SLC17A9: variants seen among roughly 807,000 people sequenced by gnomAD.
The protein encoded by SLC17A9 is solute carrier family 17 member 9.
Under a neutral mutation model 55.0 loss-of-function variants are expected in SLC17A9, and 49 were observed. That is an observed-to-expected ratio of 0.89 (90% CI 0.71 to 1.13). The LOEUF (loss-of-function observed/expected upper bound fraction) is 1.13. Ranked by LOEUF, SLC17A9 falls within the 50% of genes most tolerant of loss-of-function variation. The probability of loss-of-function intolerance (pLI) is 0.00; values close to 1 mark genes in which losing one functional copy is unlikely to be tolerated. For synonymous variants in SLC17A9, 256 were observed against 247.4 expected (o/e 1.03, Z -0.32); for missense variants, 526 against 569.3 (o/e 0.92, Z 0.77).
rs1357633851 is a variant in SLC17A9, at chr20:62,952,712, C to G, written c.-119C>G. 6.3e-6 allele frequency: 7 copies of G among 1,114,114 alleles called. No homozygotes were observed. The highest frequency in any genetic ancestry group is 4.8e-5 in the African/African-American group (3 of 62,384). The allele number at this position is 1,114,114 out of a possible 1,614,324, so 69.0% of individuals were successfully genotyped here. A position where few individuals can be genotyped will look rare whatever the true frequency, so the allele number is the denominator to read the frequency against. The stretch of plus-strand genomic sequence containing the variant: ...GGCGACAAGTCCTGAGAGAACCAGA[C>G]GGAAGCGCGCTGGGACTGACACGTG... On this transcript the variant is annotated 5_prime_UTR_variant, in exon 1 of 13. Coordinates refer to ENST00000370351, the MANE Select transcript of SLC17A9 (RefSeq NM_022082.4).
At chr20:62,955,460 A>C (rs765912505) in intron 1 of SLC17A9, among the ~76,000 whole-genome samples, 8 of 151,762 alleles carry the variant, frequency 5.3e-5, no homozygotes, top group Non-Finnish European at 1.2e-4. Context: ...CTAATTTTTA[A>C]AGTTTTTTTT....
At chr20:62,963,848 T>C in intron 7 of SLC17A9, 168 bp downstream of exon 7, 1 of 652,752 alleles carries the variant, frequency 1.5e-6, no homozygotes, top group Non-Finnish European at 2.6e-6. Context: ...ACCCCGTCCA[T>C]GCTCGGGGCA....
chr20:62,957,010 TG>T, intron 2 of SLC17A9, 48 bp downstream of exon 2: 1 of 1,610,016 alleles, frequency 6.2e-7, no homozygotes, highest in Non-Finnish European at 8.5e-7. Context: ...GCCGCCCCAC[TG>T]GGGCCTCCAG....
chr20:62,953,238 C>G, intron 1 of SLC17A9: 1 of 1,550,408 alleles, frequency 6.4e-7, no homozygotes, highest in Non-Finnish European at 8.7e-7. Flanking sequence ...ATGCATGACC[C>G]TGACAAGCAG....
chr20:62,966,808 G>T (rs765781576), intron 12 of SLC17A9, 76 bp downstream of exon 12: 3 of 1,555,816 alleles, frequency 1.9e-6, no homozygotes, highest in African/African-American at 2.8e-5. Flanking sequence ...GCAGGGTGGG[G>T]TTGTGCCTCC....
Position 62,958,154 on chromosome 20 carries a change from C to T in SLC17A9, c.397+574C>T, listed in dbSNP as rs2065558891. On this transcript the variant is annotated intron_variant, in intron 3 of 12. Coordinates refer to ENST00000370351, the MANE Select transcript of SLC17A9 (RefSeq NM_022082.4). This position sits in a 1 kb window ranked among gnomAD's most constrained non-coding sequence, Gnocchi z 4.1. ...GCGTGTGTACGTGCGTGAGTGTGCCCGTATGAGGGTGTACGTGTGGCCATG... is the reference window on the plus strand; with the variant it reads ...GCGTGTGTACGTGCGTGAGTGTGCCTGTATGAGGGTGTACGTGTGGCCATG... 6.6e-6 allele frequency among the ~76,000 whole-genome samples: 1 copy of T among 152,062 alleles called. No homozygotes were observed. Among genetic ancestry groups the T allele is most frequent in the African/African-American group, 2.4e-5 (1 of 41,388 alleles).
intron 3 of SLC17A9, among the ~76,000 whole-genome samples, chr20:62,960,164 C>CAT (rs1450197733): frequency 1.3e-5 from 2 of 152,192 alleles, no homozygotes; most frequent in Non-Finnish European, 2.9e-5. Flanking sequence ...TGTGCAGGCG[C>CAT]ATGTGTGTGT....
chr20:62,957,662 G>C (rs2065549259), intron 3 of SLC17A9, 82 bp downstream of exon 3: 1 of 1,243,754 alleles, frequency 8.0e-7, no homozygotes, highest in Admixed American at 2.9e-5. Flanking sequence ...TGTGTGTGCA[G>C]GTGCATGCGT....
intron 4 of SLC17A9, among the ~76,000 whole-genome samples, chr20:62,961,747 G>A (rs539504296): frequency 3.3e-5 from 5 of 152,340 alleles, no homozygotes; most frequent in African/African-American, 1.2e-4. Flanking sequence ...TTCTACTAAA[G>A]AATGAATCCT....
intron 1 of SLC17A9, among the ~76,000 whole-genome samples, chr20:62,954,376 G>A (rs1190987215): frequency 2.0e-5 from 3 of 152,206 alleles, no homozygotes; most frequent in East Asian, 1.9e-4. Context: ...CGCCTGGCCC[G>A]GCCCCGCACA....
At chr20:62,957,241 C>A (rs2065544883) in intron 2 of SLC17A9, 200 bp from the exon 3 acceptor site, 2 of 985,276 alleles carry the variant, frequency 2.0e-6, no homozygotes, top group South Asian at 4.7e-5. Context: ...GGCCCCAGGG[C>A]CCTGCAGGCA....
chr20:62,953,395 G>C, intron 1 of SLC17A9: 1 of 1,202,628 alleles, frequency 8.3e-7, no homozygotes, highest in South Asian at 1.4e-5. Flanking sequence ...TTTGGTGGTG[G>C]GGAGAAGCAG....
At position 62,962,819 on chromosome 20, in the gene SLC17A9, G is replaced by A; in HGVS notation, c.628+65G>A. 1 of 1,593,598 alleles carries A rather than the reference G, an allele frequency of 6.3e-7. No homozygotes were observed. Among genetic ancestry groups the A allele is most frequent in the South Asian group, 1.1e-5 (1 of 88,680 alleles). ...CTGCCCAGTGCCTCCTCCCCTGGTG[G>A]CAGCCGCTGAGCAGCCTGGAGCAGG... On this transcript the variant is annotated intron_variant, in intron 5 of 12. Coordinates refer to ENST00000370351, the MANE Select transcript of SLC17A9 (RefSeq NM_022082.4). The surrounding 1 kb of genome is among the most constrained non-coding windows in gnomAD (Gnocchi z 5.5).
intron 7 of SLC17A9, 108 bp downstream of exon 7, chr20:62,963,788 C>A (rs2065610892): frequency 9.9e-7 from 1 of 1,013,302 alleles, no homozygotes; most frequent in African/African-American, 1.6e-5. Flanking sequence ...CCCTCGGCTC[C>A]TCCTGGACTC....
chr20:62,955,487 T>TTTTG (rs1568910385), intron 1 of SLC17A9, among the ~76,000 whole-genome samples: 13 of 152,112 alleles, frequency 8.5e-5, no homozygotes, highest in African/African-American at 2.9e-4. Context: ...GTTTTGTTTT[T>TTTTG]TTTTGTAGAG....
At chr20:62,956,011 C>T (rs2147644828) in intron 1 of SLC17A9, among the ~76,000 whole-genome samples, 1 of 152,390 alleles carries the variant, frequency 6.6e-6, no homozygotes, top group East Asian at 1.9e-4. Context: ...ATGGTTGGCC[C>T]TGCCGTGGGG....
At chr20:62,964,643 C>T (rs947539099) in intron 8 of SLC17A9, among the ~76,000 whole-genome samples, 4 of 152,196 alleles carry the variant, frequency 2.6e-5, no homozygotes, top group East Asian at 1.9e-4. Context: ...TCCAGACCCA[C>T]GCTGGGATGA....
rs564295507 is a variant in SLC17A9 at position 62,961,533 on chromosome 20, G to A, written c.497+930G>A. On this transcript the variant is annotated intron_variant, in intron 4 of 12. Coordinates refer to ENST00000370351, the MANE Select transcript of SLC17A9 (RefSeq NM_022082.4). ...GCCTTCCCGGTGGTTGTAGCAGGGT[G>A]GATTGGTGCAGGAGCTGACCGGGGC... Among the ~76,000 whole-genome samples the A allele has an allele frequency of 3.9e-5, 6 of 152,292 alleles. No homozygotes were observed. In the South Asian group the frequency reaches 1.2e-3, roughly 32 times the overall value.
rs2065612520 is a variant in SLC17A9, at chr20:62,963,962, G to A, written c.823-266G>A. The A allele has an allele frequency of 1.2e-5, 7 of 596,820 alleles. No individual in the cohort carries two copies. In the South Asian group the frequency reaches 1.2e-4, roughly 10 times the overall value. 37.0% of individuals were successfully genotyped at this position (596,820 alleles called of 1,614,324 possible). A position where few individuals can be genotyped will look rare whatever the true frequency, so the allele number is the denominator to read the frequency against. On this transcript the variant is annotated intron_variant, in intron 7 of 12. Transcript: ENST00000370351. The stretch of plus-strand genomic sequence containing the variant: ...CGTGACCTGCTGGCCCACAGAACCC[G>A]ACTTCAGAGCCTGAGGAGGCCGGTG...
Sources: gnomAD v4.1 joint callset for allele counts (sites outside exome capture counted in the v4.1 genomes callset) on GRCh38, gnomAD v4.1.1 for gene constraint, Gnocchi (gnomAD v3.1) non-coding constraint, MANE v1.5 for transcripts, NCBI Gene and HGNC (gene_info 2026-07-23, HGNC 2026-07-21) for gene names.